Variants in ANGPTL2 observed in about 807,000 individuals in gnomAD.
ANGPTL2 encodes the protein angiopoietin-related protein 2.
Under a neutral mutation model 52.8 loss-of-function variants are expected in ANGPTL2, and 25 were observed. That is an observed-to-expected ratio of 0.47 (90% CI 0.35 to 0.66). ANGPTL2 has a LOEUF of 0.66. Among genes scored for constraint, ANGPTL2 ranks in the 30% least tolerant of loss-of-function variants. The pLI is 0.01. For synonymous variants in ANGPTL2, 276 were observed against 277.4 expected, an observed-to-expected ratio of 1.00 and a Z score of 0.05; for missense variants, 546 against 656.9, an observed-to-expected ratio of 0.83 and a Z score of 1.84.
chr9:127,116,832 T>G (rs2055481015), intron 1 of ANGPTL2, among the ~76,000 whole-genome samples: 1 of 152,208 alleles, frequency 6.6e-6, no homozygotes, highest in Admixed American at 6.5e-5. Context: ...ATTTCACAGA[T>G]GAGCAAACAA....
chr9:127,115,894 A>G (rs2055359265), intron 1 of ANGPTL2, among the ~76,000 whole-genome samples: 1 of 152,204 alleles, frequency 6.6e-6, no homozygotes, highest in South Asian at 2.1e-4. Context: ...ATGATTCACC[A>G]TCAGCCCGGA....
chr9:127,102,354 G>A (rs1373530431), intron 2 of ANGPTL2, among the ~76,000 whole-genome samples: 1 of 151,408 alleles, frequency 6.6e-6, no homozygotes, highest in Non-Finnish European at 1.5e-5. Context: ...GTGGGGGTGG[G>A]GGTGGAGGGG....
At chr9:127,104,053 C>G (rs1050798693) in intron 2 of ANGPTL2, among the ~76,000 whole-genome samples, 1 of 152,196 alleles carries the variant, frequency 6.6e-6, no homozygotes, top group Non-Finnish European at 1.5e-5. Context: ...CCAACAGGCT[C>G]TGTTACAGGA....
intron 1 of ANGPTL2, among the ~76,000 whole-genome samples, chr9:127,110,623 G>A (rs1416674061): frequency 6.6e-6 from 1 of 152,090 alleles, no homozygotes; most frequent in Non-Finnish European, 1.5e-5. Flanking sequence ...AACTCATCCA[G>A]AAATGAACTC....
chr9:127,091,499 C>T lies in ANGPTL2; in HGVS notation c.1282+171G>A, dbSNP rs1213946187. On this transcript the variant is annotated intron_variant, in intron 4 of 4. Transcript: ENST00000373425. This position sits in a 1 kb window ranked among gnomAD's most constrained non-coding sequence, Gnocchi z 4.3. ...CTGTGACCCAGCTTTGTGAAGGGGA[C>T]CTGTGGGCAGGAGAAGGGACCCTCA... Among the ~76,000 whole-genome samples, 1 of 152,006 alleles carries T rather than the reference C, an allele frequency of 6.6e-6. No homozygotes were observed. Among genetic ancestry groups the T allele is most frequent in the African/African-American group, 2.4e-5 (1 of 41,368 alleles).
Position 127,091,931 on chromosome 9 carries a change from C to A in ANGPTL2, c.1021G>T (p.Gly341Trp), listed in dbSNP as rs1230193319. ...AGCCAGTATTCGCCGTCAATGTTCC[C>A]AAACCCTTGCTGGGGAAAACCCAGG... The part of the protein sequence containing the change: ...RNWETYKQGF[G>W]NIDGEYWLGL... The change falls in exon 4 of 5, where the codon GGG (glycine) becomes TGG (tryptophan). Residue 341 changes from glycine to tryptophan, a missense_variant. Physicochemically the swap from Gly to Trp is radical, Grantham distance 184. Around this residue, in one of 2 missense-constraint regions of ANGPTL2, gnomAD observed 261 missense variants for 361.0 expected, o/e 0.72. Transcript: ENST00000373425. This position sits in a 1 kb window ranked among gnomAD's most constrained non-coding sequence, Gnocchi z 4.3. The A allele has an allele frequency of 6.2e-7, 1 of 1,613,814 alleles. No homozygotes were observed. The highest frequency in any genetic ancestry group is 8.5e-7 in the Non-Finnish European group (1 of 1,179,812).
chr9:127,096,004 G>T (rs2053088340), intron 2 of ANGPTL2, among the ~76,000 whole-genome samples: 1 of 152,118 alleles, frequency 6.6e-6, no homozygotes, highest in African/African-American at 2.4e-5. Context: ...TCATCTTCTG[G>T]GGAGGAAGGA....
Position 127,093,787 on chromosome 9 carries a change from G to C in ANGPTL2, c.957C>G (p.Ile319Met), listed in dbSNP as rs746419417. The change falls in exon 3 of 5, where the codon ATC (isoleucine) becomes ATG (methionine). Residue 319 changes from isoleucine (I) to methionine (M), a missense_variant. Physicochemically the swap from Ile to Met is conservative, Grantham distance 10. This residue lies in a region of ANGPTL2 where 261 missense variants were observed against 361.0 expected (regional missense o/e 0.72). Coordinates refer to ENST00000373425, the MANE Select transcript of ANGPTL2 (RefSeq NM_012098.3). ...QRHDPGGWTV[I>M]QRRLDGSVNF... ...TAACAGAGCCATCCAGGCGTCTCTG[G>C]ATGACGGTCCAGCCCCCGGGGTCGT... 2 of 1,614,028 alleles carry C rather than the reference G, an allele frequency of 1.2e-6. No individual in the cohort carries two copies. Among genetic ancestry groups the C allele is most frequent in the East Asian group, 4.5e-5 (2 of 44,852 alleles).
chr9:127,094,690 C>T (rs2052901426), intron 2 of ANGPTL2, among the ~76,000 whole-genome samples: 1 of 152,212 alleles, frequency 6.6e-6, no homozygotes, highest in Non-Finnish European at 1.5e-5. Context: ...CAGTGAGGGC[C>T]AGATGCTTGG....
At chr9:127,103,044 T>G (rs1472874789) in intron 2 of ANGPTL2, among the ~76,000 whole-genome samples, 1 of 152,202 alleles carries the variant, frequency 6.6e-6, no homozygotes, top group Non-Finnish European at 1.5e-5. Flanking sequence ...CTCTCTGCAG[T>G]GCTTGGGCCT....
chr9:127,109,658 A>T (rs2054601780), intron 1 of ANGPTL2, among the ~76,000 whole-genome samples: 1 of 152,230 alleles, frequency 6.6e-6, no homozygotes, highest in Admixed American at 6.5e-5. Flanking sequence ...CTTTCACCAG[A>T]TGTTGATTGA....
At chr9:127,094,143 T>C (rs181312824) in intron 2 of ANGPTL2, among the ~76,000 whole-genome samples, 1 of 152,250 alleles carries the variant, frequency 6.6e-6, no homozygotes. Context: ...CCAAGCTCAC[T>C]TTCTCCTCTC....
chr9:127,109,453 C>T (rs1004711182), intron 1 of ANGPTL2, among the ~76,000 whole-genome samples: 1 of 152,218 alleles, frequency 6.6e-6, no homozygotes, highest in African/African-American at 2.4e-5. Context: ...TGTCCAGTTA[C>T]GTGGCTCTGG....
intron 2 of ANGPTL2, among the ~76,000 whole-genome samples, chr9:127,097,377 T>TC (rs2136656395): frequency 6.6e-6 from 1 of 152,382 alleles, no homozygotes; most frequent in Admixed American, 6.5e-5. Flanking sequence ...ACAAAAAATG[T>TC]GCATATGTGT....
chr9:127,111,703 C>T (rs1211626315), intron 1 of ANGPTL2, among the ~76,000 whole-genome samples: 1 of 152,204 alleles, frequency 6.6e-6, no homozygotes, highest in African/African-American at 2.4e-5. Flanking sequence ...TTCTCATAAT[C>T]TCCTTTTAAG....
intron 4 of ANGPTL2, among the ~76,000 whole-genome samples, chr9:127,090,987 T>C (rs2052399437): frequency 6.6e-6 from 1 of 152,240 alleles, no homozygotes; most frequent in African/African-American, 2.4e-5. Flanking sequence ...ATTTGAAGCA[T>C]GTGATCTTAG....
At chr9:127,092,900 A>T (rs943354665) in intron 3 of ANGPTL2, among the ~76,000 whole-genome samples, 1 of 152,184 alleles carries the variant, frequency 6.6e-6, no homozygotes, top group East Asian at 1.9e-4. Context: ...TGTGCAAGGC[A>T]TCATGGCTTC....
intron 1 of ANGPTL2, among the ~76,000 whole-genome samples, chr9:127,113,201 G>A (rs1380807841): frequency 1.3e-5 from 2 of 152,130 alleles, no homozygotes; most frequent in African/African-American, 2.4e-5. Flanking sequence ...TTTTATCAAC[G>A]GAGACATTGC....
In ANGPTL2 at chr9:127,092,847, C is replaced by A. The variant is rs115762684; in HGVS notation, c.1011+886G>T. ...GCTGTTCAGGAGGTGGGGTGGGGGA[C>A]AACCAGGACAGGAGACTCAAGAAGG... On this transcript the variant is annotated intron_variant, in intron 3 of 4. Coordinates refer to ENST00000373425, the MANE Select transcript of ANGPTL2 (RefSeq NM_012098.3). Among the ~76,000 whole-genome samples, 594 of 152,154 alleles carry A rather than the reference C, an allele frequency of 3.9e-3. 5 individuals carry two copies. The highest frequency in any genetic ancestry group is 0.013 in the African/African-American group (560 of 41,496).
Sources: allele counts gnomAD v4.1 joint callset (sites outside exome capture counted in the v4.1 genomes callset), GRCh38; gene constraint gnomAD v4.1.1; regional missense constraint gnomAD v4.1.1; non-coding constraint Gnocchi (gnomAD v3.1); transcripts MANE v1.5; gene names NCBI Gene and HGNC (gene_info 2026-07-23, HGNC 2026-07-21).